Variants in UST observed in about 807,000 individuals in gnomAD.
UST encodes uronyl 2-sulfotransferase.
Under a neutral mutation model 45.6 loss-of-function variants are expected in UST, and 21 were observed. The ratio of observed to expected loss-of-function variants is 0.46; its 90% CI spans 0.33 to 0.66. The LOEUF (loss-of-function observed/expected upper bound fraction) is 0.66. UST is among the 30% of genes least tolerant of loss of function. The pLI is 0.02. For missense variants in UST, 463 were observed against 512.4 expected (o/e 0.90, Z 0.93); for synonymous variants, 215 against 200.6 (o/e 1.07, Z -0.61).
At chr6:148,795,780 T>C (rs1383711790) in intron 1 of UST, among the ~76,000 whole-genome samples, 4 of 152,172 alleles carry the variant, frequency 2.6e-5, no homozygotes, top group Non-Finnish European at 5.9e-5. Flanking sequence ...TGTATACCTG[T>C]TATGTCAGGT....
chr6:148,791,359 C>T (rs889613155), intron 1 of UST, among the ~76,000 whole-genome samples: 13 of 152,114 alleles, frequency 8.5e-5, no homozygotes, highest in African/African-American at 3.1e-4. Flanking sequence ...ATTATATTTT[C>T]CTAGGATGTG....
chr6:148,801,747 G>A (rs887538924), intron 1 of UST, among the ~76,000 whole-genome samples: 1 of 152,084 alleles, frequency 6.6e-6, no homozygotes, highest in Non-Finnish European at 1.5e-5. Context: ...TTTTGGCCCC[G>A]GCATATCTCA....
intron 1 of UST, among the ~76,000 whole-genome samples, chr6:148,762,965 A>G (rs1222963243): frequency 6.6e-6 from 1 of 152,218 alleles, no homozygotes; most frequent in African/African-American, 2.4e-5. Flanking sequence ...TGATAAACAT[A>G]CAAGGGCAGG....
chr6:148,986,199 G>C (rs1005658457), intron 5 of UST, among the ~76,000 whole-genome samples: 3 of 152,124 alleles, frequency 2.0e-5, no homozygotes, highest in African/African-American at 4.8e-5. Context: ...TGATAAAATC[G>C]AACAAAGCAG....
At chr6:149,008,456 A>T (rs1775751726) in intron 5 of UST, among the ~76,000 whole-genome samples, 1 of 152,190 alleles carries the variant, frequency 6.6e-6, no homozygotes, top group Non-Finnish European at 1.5e-5. Context: ...GGCAGCACTT[A>T]ATTCTCTCCT....
At chr6:149,056,456 CA>C (rs1776568259) in intron 7 of UST, among the ~76,000 whole-genome samples, 1 of 152,166 alleles carries the variant, frequency 6.6e-6, no homozygotes, top group African/African-American at 2.4e-5. Context: ...ATTTTTCCCT[CA>C]CATGGTCCTG....
chr6:149,019,646 G>A (rs989800847), intron 6 of UST, among the ~76,000 whole-genome samples: 1 of 152,186 alleles, frequency 6.6e-6, no homozygotes, highest in Non-Finnish European at 1.5e-5. Flanking sequence ...CCAACAACCT[G>A]CCCTCGTAGC....
chr6:149,058,722 G>A (rs1776608493), intron 7 of UST, among the ~76,000 whole-genome samples: 1 of 149,854 alleles, frequency 6.7e-6, no homozygotes, highest in Non-Finnish European at 1.5e-5. Flanking sequence ...TTTTAAGAAA[G>A]AGATACATTT....
chr6:148,756,513 A>G (rs142876732), intron 1 of UST, among the ~76,000 whole-genome samples: 2 of 152,136 alleles, frequency 1.3e-5, no homozygotes, highest in African/African-American at 4.8e-5. Context: ...CAGGGTTTAT[A>G]TTGATTGTCT....
intron 5 of UST, among the ~76,000 whole-genome samples, chr6:149,015,897 T>C (rs1223569647): frequency 6.6e-6 from 1 of 152,196 alleles, no homozygotes; most frequent in Non-Finnish European, 1.5e-5. Flanking sequence ...GCTGAAATGT[T>C]GCTCACTGAA....
In UST at chr6:148,762,899, A is replaced by G. The variant is rs6930744; in HGVS notation, c.247+15222A>G. Among the ~76,000 whole-genome samples, 233 of 152,282 alleles carry G rather than the reference A, an allele frequency of 1.5e-3. 1 individual carries two copies. The highest frequency in any genetic ancestry group is 5.1e-3 in the African/African-American group (211 of 41,584). ...TAGACCACATTTTCTTTATCCAGTC[A>G]TCTGTTGATGGACAGTTAGTTTCAT... is the stretch of plus-strand genomic sequence containing the variant. On this transcript the variant is annotated intron_variant, in intron 1 of 7. Coordinates refer to ENST00000367463, the MANE Select transcript of UST (RefSeq NM_005715.3).
intron 6 of UST, among the ~76,000 whole-genome samples, chr6:149,020,120 C>T (rs780965157): frequency 2.0e-5 from 3 of 152,230 alleles, no homozygotes; most frequent in African/African-American, 4.8e-5. Flanking sequence ...ACTTCTACAC[C>T]GGCAACGCAT....
At chr6:148,780,301 A>G (rs1388073674) in intron 1 of UST, among the ~76,000 whole-genome samples, 1 of 152,146 alleles carries the variant, frequency 6.6e-6, no homozygotes, top group Non-Finnish European at 1.5e-5. Context: ...CTTTTATTTT[A>G]GGTCCAGAGG....
chr6:148,765,080 T>G (rs1776297416), intron 1 of UST, among the ~76,000 whole-genome samples: 1 of 152,234 alleles, frequency 6.6e-6, no homozygotes, highest in Non-Finnish European at 1.5e-5. Context: ...TTACCCATTT[T>G]GGGTAATAAG....
At chr6:149,050,562 G>A (rs183621134) in intron 7 of UST, among the ~76,000 whole-genome samples, 25 of 152,298 alleles carry the variant, frequency 1.6e-4, no homozygotes, top group African/African-American at 6.0e-4. Context: ...AGTGACTGAT[G>A]AGGATCCTTT....
chr6:149,059,786 A>C (rs1313956832), intron 7 of UST, among the ~76,000 whole-genome samples: 2 of 152,146 alleles, frequency 1.3e-5, no homozygotes, highest in East Asian at 3.9e-4. Context: ...GTGGAGTTGA[A>C]TCCCCCAGGC....
intron 1 of UST, among the ~76,000 whole-genome samples, chr6:148,884,434 C>T (rs920592887): frequency 6.6e-6 from 1 of 151,950 alleles, no homozygotes; most frequent in Non-Finnish European, 1.5e-5. Flanking sequence ...TCAGAGTGGG[C>T]ATCTATAAAG....
chr6:149,026,739 C>T (rs982655527), intron 7 of UST, among the ~76,000 whole-genome samples: 6 of 152,222 alleles, frequency 3.9e-5, no homozygotes, highest in Admixed American at 2.0e-4. Context: ...TTCTCCCTTC[C>T]TAGCGACTTG....
chr6:148,808,019 G>C (rs761589999), intron 1 of UST, among the ~76,000 whole-genome samples: 10 of 152,198 alleles, frequency 6.6e-5, no homozygotes, highest in Non-Finnish European at 1.5e-4. Flanking sequence ...GAAGCCGGTG[G>C]GGAAGCCAGG....
Sources: allele counts gnomAD v4.1 joint callset (sites outside exome capture counted in the v4.1 genomes callset), GRCh38; gene constraint gnomAD v4.1.1; transcripts MANE v1.5; gene names NCBI Gene and HGNC (gene_info 2026-07-23, HGNC 2026-07-21).